SMG8: variants seen among roughly 807,000 people sequenced by gnomAD.
The protein encoded by SMG8 is nonsense-mediated mRNA decay factor SMG8.
A neutral mutation model predicts 82.1 loss-of-function variants in SMG8; 49 were observed. That is an observed-to-expected ratio of 0.60 (90% confidence interval 0.47 to 0.76). The LOEUF (loss-of-function observed/expected upper bound fraction) is 0.76. Ranked by LOEUF, SMG8 falls within the 30% of genes least tolerant of loss-of-function variation. SMG8 has a pLI of 0.00. For synonymous variants in SMG8, 404 were observed against 430.0 expected (o/e 0.94, Z 0.75); for missense variants, 969 against 1,166.4 (o/e 0.83, Z 2.46).
chr17:59,210,358 G>A lies in SMG8; in HGVS notation c.307G>A (p.Gly103Ser), dbSNP rs922610747. 3 of 1,611,232 alleles carry A rather than the reference G, an allele frequency of 1.9e-6. No individual in the cohort carries two copies. The highest frequency in any genetic ancestry group is 1.1e-5 in the South Asian group (1 of 90,768). ...RTEAGAVGEA[G>S]GAEDPGAAAG... is the part of the protein sequence containing the mutation. ...TGAGGCTGGCGCCGTGGGTGAGGCC[G>A]GTGGAGCCGAGGACCCTGGGGCTGC... is the stretch of plus-strand genomic sequence containing the variant. The change falls in exon 1 of 4, where the codon GGT (glycine) becomes AGT (serine). Residue 103 changes from glycine to serine, a missense_variant. Transcript: ENST00000300917.
chr17:59,210,941 A>G lies in SMG8; in HGVS notation c.890A>G (p.Lys297Arg), dbSNP rs1196616016. The G allele has an allele frequency of 6.2e-7, 1 of 1,614,006 alleles. No homozygotes were observed. Among genetic ancestry groups the G allele is most frequent in the African/African-American group, 1.3e-5 (1 of 74,918 alleles). ...GACAAGCCCAAGAAACATTCTCCCA[A>G]AAGGAGGCTGCAGCATGCCCTGGAG... ...HPDKPKKHSPKRRLQHALEDQ... is the reference protein window; with the variant it reads ...HPDKPKKHSPRRRLQHALEDQ... The change falls in exon 1 of 4, where the codon AAA (lysine) becomes AGA (arginine). Residue 297 changes from lysine (K) to arginine (R), a missense_variant. Lys to Arg is a conservative substitution (Grantham distance 26). Coordinates refer to ENST00000300917, the MANE Select transcript of SMG8 (RefSeq NM_018149.7).
chr17:59,213,037 TC>T lies in SMG8; in HGVS notation c.2215del (p.Arg739AspfsTer33), dbSNP rs2046952482. The T allele has an allele frequency of 6.2e-7, 1 of 1,614,048 alleles. No homozygotes were observed. The highest frequency in any genetic ancestry group is 1.7e-5 in the Admixed American group (1 of 59,990). On this transcript the variant is annotated frameshift_variant, in exon 3 of 4. Transcript: ENST00000300917. LOFTEE classifies it high-confidence loss of function. ...KTEKRPNFVD[R>X]QASTVEYLPG... is the part of the protein sequence containing the mutation. Reference sequence around the variant, plus strand: ...CTGAGAAGAGGCCAAACTTCGTTGATCGACAGGCATCCACAGTTGAGTATCT... The same window carrying T: ...CTGAGAAGAGGCCAAACTTCGTTGATGACAGGCATCCACAGTTGAGTATCT...
At position 59,213,468 on chromosome 17, in the gene SMG8, C is replaced by T; in HGVS notation, c.2645C>T (p.Ala882Val). 6.2e-7 allele frequency: 1 copy of T among 1,614,098 alleles called. No homozygotes were observed. The highest frequency in any genetic ancestry group is 8.5e-7 in the Non-Finnish European group (1 of 1,180,028). Residue 882 changes from alanine to valine, a missense_variant, in exon 3 of 4, where the codon GCC becomes GTC. Physicochemically the swap from Ala to Val is moderately conservative, Grantham distance 64 (BLOSUM62 0). Transcript: ENST00000300917. ...GGGCCAAAGGAATCAGCTTTAAAAG[C>T]CCTAAATAGTGACATGCCCTTATAT... ...GSGPKESALK[A>V]LNSDMPLYIL... is the part of the protein sequence containing the mutation.
chr17:59,212,465 A>T lies in SMG8; in HGVS notation c.1884A>T (p.Ala628=). 6.2e-7 allele frequency: 1 copy of T among 1,606,334 alleles called. No individual in the cohort carries two copies. ...APRDDPFDIK[A]ANYDFYQLLE... ...GAGATGATCCCTTTGATATCAAAGC[A>T]GCCAATTATGACTTCTATCAGGTAG... Residue 628 remains alanine, a synonymous_variant, in exon 2 of 4, where the codon GCA becomes GCT. Coordinates refer to ENST00000300917, the MANE Select transcript of SMG8 (RefSeq NM_018149.7).
At chr17:59,211,880 G>T (rs2046947238) in intron 1 of SMG8, 70 bp downstream of exon 1, 2 of 1,349,620 alleles carry the variant, frequency 1.5e-6, no homozygotes, top group Admixed American at 2.7e-5. Context: ...TTTTAAGATA[G>T]TCTGTTCACT....
At chr17:59,211,988 TTTC>T in intron 1 of SMG8, 178 bp downstream of exon 1, 1 of 513,572 alleles carries the variant, frequency 1.9e-6, no homozygotes, top group Non-Finnish European at 3.2e-6. Flanking sequence ...CTATGACTAC[TTTC>T]TTATTTTTTT....
chr17:59,212,470 A>C lies in SMG8; in HGVS notation c.1889A>C (p.Asn630Thr). The change falls in exon 2 of 4, where the codon AAT (asparagine) becomes ACT (threonine). Residue 630 changes from asparagine (N) to threonine (T), a missense_variant. By Grantham distance (65) the Asn-to-Thr change is moderately conservative. Around this residue, in one of 3 missense-constraint regions of SMG8, gnomAD observed 662 missense variants for 884.8 expected, o/e 0.75. Transcript: ENST00000300917. ...GATCCCTTTGATATCAAAGCAGCCA[A>C]TTATGACTTCTATCAGGTAGACTCT... ...RDDPFDIKAA[N>T]YDFYQLLEEK... 6.2e-7 allele frequency: 1 copy of C among 1,605,066 alleles called. No homozygotes were observed. The highest frequency in any genetic ancestry group is 8.5e-7 in the Non-Finnish European group (1 of 1,173,014).
At position 59,213,499 on chromosome 17, in the gene SMG8, G is replaced by T; in HGVS notation, c.2676G>T (p.Leu892=). The T allele has an allele frequency of 6.2e-7, 1 of 1,614,168 alleles. No individual in the cohort carries two copies. Among genetic ancestry groups the T allele is most frequent in the Non-Finnish European group, 8.5e-7 (1 of 1,180,028 alleles). ...ALNSDMPLYI[L]SSSQGRGLKP... The stretch of plus-strand genomic sequence containing the variant: ...ATAGTGACATGCCCTTATATATTCT[G>T]TCATCCTCTCAAGGTAGAGGGCTGA... The change falls in exon 3 of 4, where the codon CTG becomes CTT. Residue 892 remains leucine (L), a synonymous_variant. Coordinates refer to ENST00000300917, the MANE Select transcript of SMG8 (RefSeq NM_018149.7).
In SMG8 at chr17:59,214,903, A is replaced by C; in HGVS notation, c.2877A>C (p.Ala959=). ...TTTGGGTTTTGAGATTTCCTTATGCATATGTGACTGAGAGAGGACCTTGTT... is the reference window on the plus strand; with the variant it reads ...TTTGGGTTTTGAGATTTCCTTATGCCTATGTGACTGAGAGAGGACCTTGTT... ...DGLWVLRFPY[A]YVTERGPCFP... The change falls in exon 4 of 4, where the codon GCA becomes GCC. Residue 959 remains alanine, a synonymous_variant. Transcript: ENST00000300917. The C allele has an allele frequency of 1.1e-6, 1 of 872,970 alleles. No homozygotes were observed. Among genetic ancestry groups the C allele is most frequent in the Non-Finnish European group, 2.0e-6 (1 of 501,680 alleles). 54.1% of individuals were successfully genotyped at this position (872,970 alleles called of 1,614,324 possible).
chr17:59,210,092 C>A lies in SMG8; in HGVS notation c.41C>A (p.Ala14Glu). The change falls in exon 1 of 4, where the codon GCA (alanine) becomes GAA (glutamate). Residue 14 changes from alanine (A) to glutamate (E), a missense_variant. By Grantham distance (107) the Ala-to-Glu change is moderately radical (BLOSUM62 -1). This residue lies in a region of SMG8 where 206 missense variants were observed against 190.5 expected (regional missense o/e 1.08). Transcript: ENST00000300917. ...PVSLRDLLMG[A>E]SAWMGSESPG... ...AGCTTGCGAGACCTTCTAATGGGAG[C>A]ATCAGCCTGGATGGGCTCTGAAAGT... 6.3e-7 allele frequency: 1 copy of A among 1,580,800 alleles called. No individual in the cohort carries two copies. The highest frequency in any genetic ancestry group is 8.6e-7 in the Non-Finnish European group (1 of 1,166,342).
intron 3 of SMG8, among the ~76,000 whole-genome samples, chr17:59,214,057 C>T (rs1448367887): frequency 6.6e-6 from 1 of 151,986 alleles, no homozygotes; most frequent in Non-Finnish European, 1.5e-5. Context: ...CCAAGGCAGG[C>T]GGATCACCTG....
At position 59,213,610 on chromosome 17, in the gene SMG8, T is replaced by C. The variant is rs2046955095; in HGVS notation, c.2778+9T>C. 3.2e-6 allele frequency: 5 copies of C among 1,583,448 alleles called. 1 individual carries two copies. The South Asian group carries it at 5.8e-5, about 18-fold the overall frequency. On this transcript the variant is annotated intron_variant, in intron 3 of 3. Coordinates refer to ENST00000300917, the MANE Select transcript of SMG8 (RefSeq NM_018149.7). ...TAATACTAATGCCTCAGGTAAGAAA[T>C]ATAACCCTCTGCAGCCCCAAACAAG...
rs142548382 is a variant in SMG8 at position 59,212,444 on chromosome 17, T to A, written c.1863T>A (p.Asp621Glu). 5.8e-3 allele frequency: 9,379 copies of A among 1,609,088 alleles called. 41 individuals carry two copies. The highest frequency in any genetic ancestry group is 6.7e-3 in the South Asian group (611 of 90,604). ...CNCGRKQAPR[D>E]DPFDIKAANY... ...GTGGAAGGAAACAAGCACCTCGAGA[T>A]GATCCCTTTGATATCAAAGCAGCCA... Residue 621 changes from aspartate to glutamate, a missense_variant, in exon 2 of 4, where the codon GAT becomes GAA. Asp to Glu is a conservative substitution (Grantham distance 45, BLOSUM62 2). Around this residue, in one of 3 missense-constraint regions of SMG8, gnomAD observed 662 missense variants for 884.8 expected, o/e 0.75. Transcript: ENST00000300917.
chr17:59,210,317 G>T lies in SMG8; in HGVS notation c.266G>T (p.Gly89Val). ...CGCCACCAAGATCCTGGGGATCCAG[G>T]ACCTGGAATCAGAACTGAGGCTGGC... The part of the protein sequence containing the change: ...LFRHQDPGDP[G>V]PGIRTEAGAV... The change falls in exon 1 of 4, where the codon GGA becomes GTA. Residue 89 changes from glycine to valine, a missense_variant. Gly to Val is a moderately radical substitution (Grantham distance 109). Transcript: ENST00000300917. 1 of 1,613,118 alleles carries T rather than the reference G, an allele frequency of 6.2e-7. No individual in the cohort carries two copies. Among genetic ancestry groups the T allele is most frequent in the Non-Finnish European group, 8.5e-7 (1 of 1,179,730 alleles).
chr17:59,210,709 G>T lies in SMG8; in HGVS notation c.658G>T (p.Asp220Tyr). The change falls in exon 1 of 4, where the codon GAT (aspartate) becomes TAT (tyrosine). Residue 220 changes from aspartate to tyrosine, a missense_variant. Coordinates refer to ENST00000300917, the MANE Select transcript of SMG8 (RefSeq NM_018149.7). The stretch of plus-strand genomic sequence containing the variant: ...TCTGGTCCATCCCACTTGTTCCTTT[G>T]ATATCACTTATGATCGAGTATTCAG... Reference protein sequence around the residue: ...LLLVHPTCSFDITYDRVFRAL... With the variant: ...LLLVHPTCSFYITYDRVFRAL... The T allele has an allele frequency of 6.2e-7, 1 of 1,614,062 alleles. No homozygotes were observed. Among genetic ancestry groups the T allele is most frequent in the Non-Finnish European group, 8.5e-7 (1 of 1,180,012 alleles).
chr17:59,211,258 G>A lies in SMG8; in HGVS notation c.1207G>A (p.Gly403Ser). 6.2e-7 allele frequency: 1 copy of A among 1,614,156 alleles called. No homozygotes were observed. Reference protein sequence around the residue: ...HIDSSSSSSSGQLVDFTLREF... With the variant: ...HIDSSSSSSSSQLVDFTLREF... ...TGACAGCAGCAGTTCCAGTTCTTCAGGCCAGCTAGTGGATTTCACTCTTCG... is the reference window on the plus strand; with the variant it reads ...TGACAGCAGCAGTTCCAGTTCTTCAAGCCAGCTAGTGGATTTCACTCTTCG... Residue 403 changes from glycine to serine, a missense_variant, in exon 1 of 4, where the codon GGC (glycine) becomes AGC (serine). Transcript: ENST00000300917.
At position 59,213,567 on chromosome 17, in the gene SMG8, C is replaced by G; in HGVS notation, c.2744C>G (p.Pro915Arg). 6.2e-7 allele frequency: 1 copy of G among 1,613,542 alleles called. No individual in the cohort carries two copies. The highest frequency in any genetic ancestry group is 8.5e-7 in the Non-Finnish European group (1 of 1,179,824). The change falls in exon 3 of 4, where the codon CCT becomes CGT. Residue 915 changes from proline to arginine, a missense_variant. By Grantham distance (103) the Pro-to-Arg change is moderately radical. Coordinates refer to ENST00000300917, the MANE Select transcript of SMG8 (RefSeq NM_018149.7). ...CTTATGAGGCTTTTTGTTGTGGTTC[C>G]TGATGCTCCTTTGCAGATAATACTA... ...AQLMRLFVVV[P>R]DAPLQIILMP...
At chr17:59,211,860 T>C in intron 1 of SMG8, 50 bp downstream of exon 1, 1 of 1,448,416 alleles carries the variant, frequency 6.9e-7, no homozygotes, top group Non-Finnish European at 9.1e-7. Context: ...GAGCTGTGTT[T>C]TCATTCTTGT....
chr17:59,213,142 T>C lies in SMG8; in HGVS notation c.2319T>C (p.Pro773=), dbSNP rs759068442. 1.9e-6 allele frequency: 3 copies of C among 1,614,110 alleles called. No homozygotes were observed. In the African/African-American group the frequency reaches 4.0e-5, roughly 22 times the overall value. ...GCTGGTCTTTGGTTAAACTAGGCCCTGCTAAGTCTTATAACTTTCATACAG... is the reference window on the plus strand; with the variant it reads ...GCTGGTCTTTGGTTAAACTAGGCCCCGCTAAGTCTTATAACTTTCATACAG... The part of the protein sequence containing the change: ...FSSWSLVKLG[P]AKSYNFHTGL... Residue 773 remains proline (P), a synonymous_variant, in exon 3 of 4, where the codon CCT becomes CCC. Transcript: ENST00000300917.
Sources: allele counts gnomAD v4.1 joint callset (sites outside exome capture counted in the v4.1 genomes callset), GRCh38; gene constraint gnomAD v4.1.1; regional missense constraint gnomAD v4.1.1; transcripts MANE v1.5; gene names NCBI Gene and HGNC (gene_info 2026-07-23, HGNC 2026-07-21).